The following FOXN3 variants were observed in gnomAD, a reference collection of about 807,000 sequenced individuals.
FOXN3 encodes forkhead box N3.
In FOXN3, 7 loss-of-function variants were observed where a neutral mutation model predicts 38.4. The ratio of observed to expected loss-of-function variants is 0.18; its 90% confidence interval spans 0.10 to 0.34. The LOEUF (loss-of-function observed/expected upper bound fraction) is 0.34, where lower values mean the gene tolerates loss of function less well. Among genes scored for constraint, FOXN3 ranks in the 10% least tolerant of loss-of-function variants. The pLI is 1.00. For missense variants in FOXN3, 456 were observed against 613.4 expected, an observed-to-expected ratio of 0.74 and a Z score of 2.71; for synonymous variants, 230 against 242.2, an observed-to-expected ratio of 0.95 and a Z score of 0.47.
intron 2 of FOXN3, among the ~76,000 whole-genome samples, chr14:89,374,834 AGGTGT>A (rs551074279): frequency 1.4e-4 from 21 of 151,738 alleles, no homozygotes; most frequent in Admixed American, 9.2e-4. Flanking sequence ...AAAATTAGCC[AGGTGT>A]GGTGGCGCAC....
At chr14:89,580,469 T>C (rs147619757) in intron 1 of FOXN3, among the ~76,000 whole-genome samples, 5 of 152,310 alleles carry the variant, frequency 3.3e-5, no homozygotes, top group African/African-American at 1.2e-4. Context: ...AACAGTGCCA[T>C]ATATGGACTC....
At chr14:89,291,485 C>T (rs1236202590) in intron 3 of FOXN3, 1 of 600,532 alleles carries the variant, frequency 1.7e-6, no homozygotes, top group African/African-American at 1.9e-5. Context: ...TCCACAGACA[C>T]TCTTGCTTAC....
intron 3 of FOXN3, among the ~76,000 whole-genome samples, chr14:89,343,947 A>T (rs1266022233): frequency 5.3e-5 from 8 of 152,098 alleles, no homozygotes; most frequent in Admixed American, 5.2e-4. Flanking sequence ...TTTTTGGTAG[A>T]GATGGGGTTT....
At chr14:89,210,206 T>G (rs968469906) in intron 4 of FOXN3, among the ~76,000 whole-genome samples, 1 of 152,210 alleles carries the variant, frequency 6.6e-6, no homozygotes. Flanking sequence ...GGATCTTCCA[T>G]GAATGGTTCA....
intron 1 of FOXN3, among the ~76,000 whole-genome samples, chr14:89,615,593 A>G (rs917185707): frequency 8.5e-5 from 13 of 152,336 alleles, no homozygotes; most frequent in African/African-American, 2.9e-4. Context: ...GAAACCAACA[A>G]ATCCCATTCA....
At chr14:89,308,442 G>A (rs1887440203) in intron 3 of FOXN3, among the ~76,000 whole-genome samples, 1 of 152,226 alleles carries the variant, frequency 6.6e-6, no homozygotes, top group Non-Finnish European at 1.5e-5. Flanking sequence ...GCCACTATGG[G>A]TCTCCAGTCT....
intron 1 of FOXN3, among the ~76,000 whole-genome samples, chr14:89,432,436 T>G (rs560950155): frequency 6.0e-4 from 92 of 152,274 alleles, no homozygotes; most frequent in South Asian, 3.3e-3. Context: ...TTATAAAACA[T>G]GCATAACAAC....
At position 89,412,286 on chromosome 14, in the gene FOXN3, T is replaced by C; in HGVS notation, c.191A>G (p.Asn64Ser). The C allele has an allele frequency of 6.2e-7, 1 of 1,614,130 alleles. No individual in the cohort carries two copies. The highest frequency in any genetic ancestry group is 8.5e-7 in the Non-Finnish European group (1 of 1,180,022). The change falls in exon 2 of 6, where the codon AAC (asparagine) becomes AGC (serine). Residue 64 changes from asparagine (N) to serine (S), a missense_variant. Around this residue, in one of 3 missense-constraint regions of FOXN3, gnomAD observed 11 missense variants for 39.2 expected, o/e 0.28. Coordinates refer to ENST00000557258, the MANE Select transcript of FOXN3 (RefSeq NM_005197.4). The surrounding 1 kb of genome is among the most constrained non-coding windows in gnomAD (Gnocchi z 4.7). ...CAAGTTCTTGCTCTCGTGCAGCCAG[T>C]TCAGGTTGGTCAGCTCTTCATCTTC... The part of the protein sequence containing the change: ...AMEDEELTNL[N>S]WLHESKNLLK...
At chr14:89,417,698 G>A (rs978525115), upstream of FOXN3, 37 of 455,890 alleles carry the variant, frequency 8.1e-5, no homozygotes, top group Admixed American at 8.7e-4. Flanking sequence ...GGCTTGTGGG[G>A]GTGAGAAGAG....
chr14:89,366,271 A>AC (rs1464444367), intron 2 of FOXN3, among the ~76,000 whole-genome samples: 158 of 151,588 alleles, frequency 1.0e-3, no homozygotes, highest in African/African-American at 3.7e-3. Flanking sequence ...AAAAAAAAAA[A>AC]AACTTTATTA....
At chr14:89,387,800 T>G (rs1043733700) in intron 2 of FOXN3, among the ~76,000 whole-genome samples, 1 of 152,184 alleles carries the variant, frequency 6.6e-6, no homozygotes, top group African/African-American at 2.4e-5. Flanking sequence ...ATGAACCATG[T>G]GCACCATGCA....
At chr14:89,209,045 C>T (rs537387106) in intron 4 of FOXN3, among the ~76,000 whole-genome samples, 3 of 152,374 alleles carry the variant, frequency 2.0e-5, no homozygotes, top group East Asian at 3.9e-4. Context: ...AGGTACTCAC[C>T]TACCTTCCAC....
intron 1 of FOXN3, among the ~76,000 whole-genome samples, chr14:89,513,150 G>GAAAAAAAAAA (rs36003791): frequency 2.9e-5 from 3 of 102,066 alleles, no homozygotes; most frequent in Non-Finnish European, 3.8e-5. Context: ...TCCATCTCAG[G>GAAAAAAAAAA]AAAAAAAAAA....
chr14:89,442,551 G>A (rs2139698130), intron 1 of FOXN3, among the ~76,000 whole-genome samples: 1 of 152,328 alleles, frequency 6.6e-6, no homozygotes, highest in Non-Finnish European at 1.5e-5. Flanking sequence ...CCAGCAGCTA[G>A]TAAGCCTTAG....
chr14:89,381,361 A>G (rs1890641103), intron 2 of FOXN3, among the ~76,000 whole-genome samples: 1 of 151,886 alleles, frequency 6.6e-6, no homozygotes, highest in Non-Finnish European at 1.5e-5. Flanking sequence ...AATCACACAG[A>G]TGATAGGTTT....
At position 89,191,973 on chromosome 14, in the gene FOXN3, T is replaced by TATATATATATATAA. The variant is rs1481298307; in HGVS notation, c.746-11168_746-11167insTTATATATATATAT. The stretch of plus-strand genomic sequence containing the variant: ...GTATATATATATATACACATATATA[T>TATATATATATATAA]AACTATAATATATAATATATATTAG... On this transcript the variant is annotated intron_variant, in intron 4 of 5. Coordinates refer to ENST00000557258, the MANE Select transcript of FOXN3 (RefSeq NM_005197.4). 1.3e-4 allele frequency among the ~76,000 whole-genome samples: 18 copies of TATATATATATATAA among 135,206 alleles called. 2 individuals are homozygous for TATATATATATATAA. The highest frequency in any genetic ancestry group is 5.4e-4 in the African/African-American group (17 of 31,656). 88.7% of individuals were successfully genotyped at this position (135,206 alleles called of 152,430 possible).
chr14:89,190,513 C>T lies in FOXN3; in HGVS notation c.746-9707G>A, dbSNP rs143544725. 4.7e-3 allele frequency: 6,385 copies of T among 1,371,414 alleles called. 29 individuals are homozygous for T. The highest frequency in any genetic ancestry group is 5.0e-3 in the Non-Finnish European group (4,836 of 973,604). 85.0% of individuals were successfully genotyped at this position (1,371,414 alleles called of 1,614,324 possible). A position where few individuals can be genotyped will look rare whatever the true frequency, so the allele number is the denominator to read the frequency against. On this transcript the variant is annotated intron_variant, in intron 4 of 5. Coordinates refer to ENST00000557258, the MANE Select transcript of FOXN3 (RefSeq NM_005197.4). The stretch of plus-strand genomic sequence containing the variant: ...GGGCCGGTGTGTGTGTGTGTTTTTC[C>T]CCCTGCAAGTTACAGTTTATGAATG...
chr14:89,377,533 A>T (rs2140062989), intron 2 of FOXN3, among the ~76,000 whole-genome samples: 1 of 152,272 alleles, frequency 6.6e-6, no homozygotes, highest in South Asian at 2.1e-4. Context: ...TCATCAGTTC[A>T]TATAATCTAC....
At chr14:89,234,422 T>C (rs1884917315) in intron 4 of FOXN3, among the ~76,000 whole-genome samples, 1 of 151,992 alleles carries the variant, frequency 6.6e-6, no homozygotes, top group Non-Finnish European at 1.5e-5. Flanking sequence ...TGTTGTACGG[T>C]TTGAATCTGA....
Sources: allele counts gnomAD v4.1 joint callset (sites outside exome capture counted in the v4.1 genomes callset), GRCh38; gene constraint gnomAD v4.1.1; regional missense constraint gnomAD v4.1.1; non-coding constraint Gnocchi (gnomAD v3.1); transcripts MANE v1.5; gene names NCBI Gene and HGNC (gene_info 2026-07-23, HGNC 2026-07-21).